Variants in HSPBAP1 observed in about 807,000 individuals in gnomAD.
HSPBAP1 encodes HSPB1-associated protein 1.
In HSPBAP1, 27 loss-of-function variants were observed where a neutral mutation model predicts 45.2. The observed-to-expected ratio is 0.60, with a 90% CI of 0.44 to 0.82. The LOEUF (loss-of-function observed/expected upper bound fraction) is 0.82, where lower values mean the gene tolerates loss of function less well. Ranked by LOEUF, HSPBAP1 falls within the 40% of genes least tolerant of loss-of-function variation. The probability of loss-of-function intolerance (pLI) is 0.00; values close to 1 mark genes in which losing one functional copy is unlikely to be tolerated. For missense variants in HSPBAP1, 510 were observed against 590.9 expected (o/e 0.86, Z 1.42); for synonymous variants, 204 against 202.7 (o/e 1.01, Z -0.06).
chr3:122,752,691 G>T lies in HSPBAP1; in HGVS notation c.742-17C>A, dbSNP rs758818980. On this transcript the variant is annotated splice_polypyrimidine_tract_variant and intron_variant, in intron 5 of 7. Transcript: ENST00000306103. ...AAAGAGAACCTGAAAACCAAACAAA[G>T]AATGGTTAGCACAAGAACAGGACGT... 6.3e-7 allele frequency: 1 copy of T among 1,582,394 alleles called. No homozygotes were observed. The highest frequency in any genetic ancestry group is 1.2e-5 in the South Asian group (1 of 86,588).
In HSPBAP1 at chr3:122,768,883, C is replaced by T. The variant is rs150320476; in HGVS notation, c.251-1G>A. On this transcript the variant is annotated splice_acceptor_variant, in intron 2 of 7. Transcript: ENST00000306103. LOFTEE classifies it high-confidence loss of function. ...TTACATGTAGTTTCAAACTGAGGAACTGCAATGTAAGAGAATGCAACCTTA... is the reference window on the plus strand; with the variant it reads ...TTACATGTAGTTTCAAACTGAGGAATTGCAATGTAAGAGAATGCAACCTTA... 12 of 1,594,434 alleles carry T rather than the reference C, an allele frequency of 7.5e-6. No homozygotes were observed. The highest frequency in any genetic ancestry group is 1.0e-5 in the Non-Finnish European group (12 of 1,163,856).
chr3:122,793,799 C>T lies in HSPBAP1; in HGVS notation c.-119G>A. ...CCACAGGAAGGAGCCCCGGCGACTCCCGCCCGGCTCCTACGGAAACGCCGG... is the reference window on the plus strand; with the variant it reads ...CCACAGGAAGGAGCCCCGGCGACTCTCGCCCGGCTCCTACGGAAACGCCGG... On this transcript the variant is annotated 5_prime_UTR_variant, in exon 1 of 8. Transcript: ENST00000306103. 1.2e-6 allele frequency: 1 copy of T among 818,366 alleles called. No individual in the cohort carries two copies. Among genetic ancestry groups the T allele is most frequent in the East Asian group, 2.8e-5 (1 of 36,290 alleles). The allele number at this position is 818,366 out of a possible 1,614,324, so 50.7% of individuals were successfully genotyped here. A position where few individuals can be genotyped will look rare whatever the true frequency, so the allele number is the denominator to read the frequency against.
At chr3:122,785,306 G>T (rs908300796) in intron 1 of HSPBAP1, among the ~76,000 whole-genome samples, 3 of 152,162 alleles carry the variant, frequency 2.0e-5, no homozygotes, top group African/African-American at 7.2e-5. Flanking sequence ...CTTTAGTCAG[G>T]CTTTAATTCT....
chr3:122,781,548 G>GAGGGAGACCGT (rs1252044276), intron 1 of HSPBAP1, among the ~76,000 whole-genome samples: 2 of 152,222 alleles, frequency 1.3e-5, no homozygotes, highest in Admixed American at 1.3e-4. Flanking sequence ...GACCGTAGGA[G>GAGGGAGACCGT]AGGGAGACCG....
intron 5 of HSPBAP1, 69 bp downstream of exon 5, chr3:122,755,191 A>G: frequency 7.5e-7 from 1 of 1,337,710 alleles, no homozygotes; most frequent in South Asian, 1.8e-5. Context: ...AGCACACAGC[A>G]TAAGGACTTG....
At chr3:122,786,910 A>G (rs1298118412) in intron 1 of HSPBAP1, among the ~76,000 whole-genome samples, 1 of 152,250 alleles carries the variant, frequency 6.6e-6, no homozygotes, top group East Asian at 1.9e-4. Flanking sequence ...AAATTAATGA[A>G]TTTAAATGTT....
intron 1 of HSPBAP1, among the ~76,000 whole-genome samples, chr3:122,781,350 GGA>G (rs1473290294): frequency 6.6e-6 from 1 of 152,248 alleles, no homozygotes; most frequent in Non-Finnish European, 1.5e-5. Context: ...GTTAGGAGCT[GGA>G]GACCGGCCCG....
chr3:122,765,337 T>C (rs761801660), intron 3 of HSPBAP1, among the ~76,000 whole-genome samples: 23 of 152,160 alleles, frequency 1.5e-4, no homozygotes, highest in Non-Finnish European at 3.4e-4. Flanking sequence ...TCCCAGCACT[T>C]TGGGAGGCTG....
At chr3:122,780,767 T>C (rs1344190924) in intron 1 of HSPBAP1, among the ~76,000 whole-genome samples, 2 of 144,124 alleles carry the variant, frequency 1.4e-5, no homozygotes, top group African/African-American at 2.6e-5. Context: ...ACGGGGCGGC[T>C]GCCGGGCGGA....
chr3:122,772,373 A>G (rs1296947273), intron 2 of HSPBAP1, among the ~76,000 whole-genome samples: 2 of 152,222 alleles, frequency 1.3e-5, no homozygotes. Flanking sequence ...GATGAATTGT[A>G]TATTCAAATA....
At chr3:122,777,064 A>T (rs1293775932) in intron 2 of HSPBAP1, among the ~76,000 whole-genome samples, 2 of 152,210 alleles carry the variant, frequency 1.3e-5, no homozygotes, top group Admixed American at 6.5e-5. Context: ...GTTAATGGTA[A>T]ATTACCTAAA....
intron 3 of HSPBAP1, among the ~76,000 whole-genome samples, chr3:122,766,551 C>T (rs575615906): frequency 7.9e-5 from 12 of 152,292 alleles, no homozygotes; most frequent in South Asian, 4.1e-4. Context: ...CCTTTATATC[C>T]GCACTTAATG....
chr3:122,768,593 G>A (rs1934870289), intron 3 of HSPBAP1, 108 bp downstream of exon 3: 10 of 702,108 alleles, frequency 1.4e-5, no homozygotes, highest in Admixed American at 5.5e-5. Context: ...GATTCATGGC[G>A]ATTACTTATG....
chr3:122,789,997 G>T (rs72968307), intron 1 of HSPBAP1, among the ~76,000 whole-genome samples: 2,170 of 152,050 alleles, frequency 0.014, 60 homozygotes, highest in African/African-American at 0.05. Context: ...CAAGCAGCTG[G>T]AACTACAAGC....
Position 122,740,542 on chromosome 3 carries a change from G to C in HSPBAP1, c.1270C>G (p.His424Asp), listed in dbSNP as rs1933625664. The C allele has an allele frequency of 1.2e-6, 2 of 1,614,062 alleles. No individual in the cohort carries two copies. The highest frequency in any genetic ancestry group is 2.2e-5 in the South Asian group (2 of 91,088). ...GKDFVDKDGEHFGKLHCAKRQ... is the reference protein window; with the variant it reads ...GKDFVDKDGEDFGKLHCAKRQ... ...TTGGCACAATGCAATTTTCCAAAGT[G>C]TTCTCCATCCTTGTCCACAAAGTCT... The change falls in exon 8 of 8, where the codon CAC (histidine) becomes GAC (aspartate). Residue 424 changes from histidine to aspartate, a missense_variant. Physicochemically the swap from His to Asp is moderately conservative, Grantham distance 81. Coordinates refer to ENST00000306103, the MANE Select transcript of HSPBAP1 (RefSeq NM_024610.6).
intron 1 of HSPBAP1, among the ~76,000 whole-genome samples, chr3:122,788,786 C>A (rs1477852809): frequency 6.6e-6 from 1 of 152,062 alleles, no homozygotes; most frequent in Non-Finnish European, 1.5e-5. Context: ...TTACCAGGGA[C>A]TGGGGGAAGA....
chr3:122,744,450 G>A (rs1166216185), intron 6 of HSPBAP1, among the ~76,000 whole-genome samples: 1 of 152,204 alleles, frequency 6.6e-6, no homozygotes, highest in African/African-American at 2.4e-5. Flanking sequence ...ATTGTCCAAT[G>A]TTGAAGAGAC....
intron 1 of HSPBAP1, among the ~76,000 whole-genome samples, chr3:122,791,082 C>T (rs1162685308): frequency 6.6e-6 from 1 of 152,208 alleles, no homozygotes; most frequent in Non-Finnish European, 1.5e-5. Context: ...ATAATCTACA[C>T]ATATTAACTC....
rs148349453 is a variant in HSPBAP1 at position 122,740,648 on chromosome 3, A to G, written c.1164T>C (p.Phe388=). ...GTDKPEAASP[F]GPDLVPVAQR... ...GTGCTACAGGGACCAGATCAGGGCC[A>G]AAGGGACTTGCTGCCTCCGGTTTGT... The change falls in exon 8 of 8, where the codon TTT becomes TTC. Residue 388 remains phenylalanine, a synonymous_variant. Transcript: ENST00000306103. The G allele has an allele frequency of 8.7e-6, 14 of 1,613,996 alleles. No individual in the cohort carries two copies. The African/African-American group carries it at 1.9e-4, about 22-fold the overall frequency.
Sources: gnomAD v4.1 joint callset for allele counts (sites outside exome capture counted in the v4.1 genomes callset) on GRCh38, gnomAD v4.1.1 for gene constraint, MANE v1.5 for transcripts, NCBI Gene and HGNC (gene_info 2026-07-23, HGNC 2026-07-21) for gene names.